BCL11A: variants seen among roughly 807,000 people sequenced by gnomAD.
The protein encoded by BCL11A is B cell CLL/lymphoma 11A.
BCL11A carries 2 observed loss-of-function variants against 55.9 expected under a neutral mutation model. The observed-to-expected ratio is 0.04, with a 90% CI of 0.01 to 0.11. BCL11A has a LOEUF of 0.11. Ranked by LOEUF, BCL11A falls within the 10% of genes least tolerant of loss-of-function variation. BCL11A has a pLI of 1.00. For synonymous variants in BCL11A, 465 were observed against 473.4 expected, an observed-to-expected ratio of 0.98 and a Z score of 0.23; for missense variants, 817 against 1,137.1, an observed-to-expected ratio of 0.72 and a Z score of 4.05.
chr2:60,525,841 C>T (rs182976424), intron 2 of BCL11A: 3 of 152,210 alleles, frequency 2.0e-5, no homozygotes, highest in Admixed American at 6.5e-5. Flanking sequence ...TGCCCTCCCC[C>T]CAAACCAGTC....
Position 60,553,301 on chromosome 2 carries a change from C to A in BCL11A, c.-31G>T. 1 of 1,535,294 alleles carries A rather than the reference C, an allele frequency of 6.5e-7. No homozygotes were observed. On this transcript the variant is annotated 5_prime_UTR_variant, in exon 1 of 4. Transcript: ENST00000642384. ...GCTGCGGGGCGGGCGGCGGCGGCGG[C>A]GGCGGCGGCGGCGGGCGGACGACGG...
At position 60,467,129 on chromosome 2, in the gene BCL11A, A is replaced by ATGGTGGTGGTGATGATGGTGGTGGTAG. The variant is rs1211602201; in HGVS notation, c.487+1602_487+1603insCTACCACCACCATCATCACCACCACCA. Among the ~76,000 whole-genome samples, 3 of 70,782 alleles carry ATGGTGGTGGTGATGATGGTGGTGGTAG rather than the reference A, an allele frequency of 4.2e-5. No homozygotes were observed. In the South Asian group the frequency reaches 1.7e-3, roughly 41 times the overall value. The allele number at this position is 70,782 out of a possible 152,430, so 46.4% of individuals were successfully genotyped here. The stretch of plus-strand genomic sequence containing the variant: ...GGTGGTAGTGGTGGTGGTGGTGGTG[A>ATGGTGGTGGTGATGATGGTGGTGGTAG]TGGTGGTGTTGGTGGTGATGGTGGT... On this transcript the variant is annotated intron_variant, in intron 3 of 3. Transcript: ENST00000642384.
In BCL11A at chr2:60,460,084, C is replaced by T; in HGVS notation, c.*320G>A. 9.1e-7 allele frequency: 1 copy of T among 1,104,734 alleles called. No homozygotes were observed. Among genetic ancestry groups the T allele is most frequent in the Non-Finnish European group, 1.1e-6 (1 of 908,550 alleles). 68.4% of individuals were successfully genotyped at this position (1,104,734 alleles called of 1,614,324 possible). Reference sequence around the variant, plus strand: ...AACATACACAACATGTAAATTATTGCACAAGAGAAAGGCTCAAAGTTTGCG... The same window carrying T: ...AACATACACAACATGTAAATTATTGTACAAGAGAAAGGCTCAAAGTTTGCG... On this transcript the variant is annotated 3_prime_UTR_variant, in exon 4 of 4. Coordinates refer to ENST00000642384, the MANE Select transcript of BCL11A (RefSeq NM_022893.4).
intron 2 of BCL11A, chr2:60,508,474 T>C (rs148076400): frequency 1.3e-5 from 2 of 152,360 alleles, no homozygotes; most frequent in African/African-American, 4.8e-5. Context: ...CATTACCTAG[T>C]TGGCAAAGGA....
chr2:60,466,474 C>T (rs1676618945), intron 3 of BCL11A, among the ~76,000 whole-genome samples: 1 of 152,098 alleles, frequency 6.6e-6, no homozygotes, highest in South Asian at 2.1e-4. Flanking sequence ...CTAACCCAGG[C>T]TTAGGCCCAG....
At chr2:60,483,262 G>A (rs1208789794) in intron 2 of BCL11A, among the ~76,000 whole-genome samples, 4 of 152,338 alleles carry the variant, frequency 2.6e-5, no homozygotes, top group African/African-American at 9.6e-5. Flanking sequence ...TCCCGTGGTA[G>A]AGAAATGGTC....
chr2:60,487,907 C>G (rs2104272840), intron 2 of BCL11A, among the ~76,000 whole-genome samples: 1 of 152,310 alleles, frequency 6.6e-6, no homozygotes, highest in East Asian at 1.9e-4. Flanking sequence ...TGCAAGTACT[C>G]CAACTCCAGC....
chr2:60,462,405 G>A lies in BCL11A; in HGVS notation c.507C>T (p.Ser169=), dbSNP rs1185059645. The change falls in exon 4 of 4, where the codon AGC becomes AGT. Residue 169 remains serine (S), a synonymous_variant. Coordinates refer to ENST00000642384, the MANE Select transcript of BCL11A (RefSeq NM_022893.4). The part of the protein sequence containing the change: ...PQGICKDEPS[S]YTCTTCKQPF... ...GCTGTTTGCAAGTTGTACATGTGTA[G>A]CTGCTGGGCTCATCTTTACCTGCAA... The A allele has an allele frequency of 2.5e-6, 4 of 1,605,840 alleles. No homozygotes were observed. The South Asian group carries it at 3.3e-5, about 13-fold the overall frequency.
In BCL11A at chr2:60,457,377, AT is replaced by A. The variant is rs1473466035; in HGVS notation, c.*3026del. On this transcript the variant is annotated 3_prime_UTR_variant, in exon 4 of 4. Transcript: ENST00000642384. ...TTTGGTCATCTAAATAAAAAAAAAAATAAAAACAAAGAAAAATAAAAGATCA... is the reference window on the plus strand; with the variant it reads ...TTTGGTCATCTAAATAAAAAAAAAAAAAAAACAAAGAAAAATAAAAGATCA... 74 of 1,022,352 alleles carry A rather than the reference AT, an allele frequency of 7.2e-5. No individual in the cohort carries two copies. The highest frequency in any genetic ancestry group is 4.6e-4 in the Middle Eastern group (1 of 2,166). 63.3% of individuals were successfully genotyped at this position (1,022,352 alleles called of 1,614,324 possible).
chr2:60,467,894 ATGG>A (rs1174093390), intron 3 of BCL11A, among the ~76,000 whole-genome samples: 1 of 23,838 alleles, frequency 4.2e-5, no homozygotes, highest in South Asian at 1.8e-3. Context: ...GGTGGTAGTG[ATGG>A]TGGTGGTAAT....
downstream of BCL11A, among the ~76,000 whole-genome samples, chr2:60,454,181 A>AT (rs1173098627): frequency 6.6e-6 from 1 of 152,190 alleles, no homozygotes; most frequent in Non-Finnish European, 1.5e-5. Flanking sequence ...CGGACAACCC[A>AT]TGTCCACAGT....
chr2:60,541,929 G>A, intron 2 of BCL11A: 1 of 705,368 alleles, frequency 1.4e-6, no homozygotes. Flanking sequence ...GTCTGAGCTA[G>A]GAGAGAATCA....
chr2:60,455,878 G>C (rs903009743), downstream of BCL11A, among the ~76,000 whole-genome samples: 2 of 152,032 alleles, frequency 1.3e-5, no homozygotes, highest in African/African-American at 4.8e-5. Context: ...GCAGCATTTT[G>C]GATTCAGTTT....
chr2:60,462,058 T>C lies in BCL11A; in HGVS notation c.854A>G (p.Glu285Gly). 2.5e-6 allele frequency: 4 copies of C among 1,597,486 alleles called. No homozygotes were observed. The highest frequency in any genetic ancestry group is 3.4e-6 in the Non-Finnish European group (4 of 1,172,176). ...GTGATGGGTGGCCAGGGCCATCTCT[T>C]CCGCCCCCAGGCGCTCTATGCGGTG... ...DPHRIERLGA[E>G]EMALATHHPS... is the part of the protein sequence containing the mutation. The change falls in exon 4 of 4, where the codon GAA becomes GGA. Residue 285 changes from glutamate (E) to glycine (G), a missense_variant. By Grantham distance (98) the Glu-to-Gly change is moderately conservative. Transcript: ENST00000642384.
chr2:60,490,916 C>T (rs1558639221), intron 2 of BCL11A, among the ~76,000 whole-genome samples: 1 of 151,896 alleles, frequency 6.6e-6, no homozygotes, highest in East Asian at 1.9e-4. Flanking sequence ...CATTTCCCTT[C>T]TGATATCTAC....
At chr2:60,536,826 C>G (rs528927972) in intron 2 of BCL11A, 1 of 152,368 alleles carries the variant, frequency 6.6e-6, no homozygotes, top group East Asian at 1.9e-4. Flanking sequence ...GTGCAGGCAG[C>G]AGGCTGCCCC....
intron 2 of BCL11A, chr2:60,541,891 A>G (rs1457768377): frequency 1.4e-6 from 1 of 707,880 alleles, no homozygotes; most frequent in East Asian, 2.7e-5. Flanking sequence ...ATTACACCAT[A>G]AGGTACACAA....
intron 2 of BCL11A, among the ~76,000 whole-genome samples, chr2:60,506,843 C>T (rs982910616): frequency 3.3e-5 from 5 of 152,070 alleles, no homozygotes; most frequent in Non-Finnish European, 7.4e-5. Context: ...ACTACCTTTC[C>T]GCCTAAACAT....
chr2:60,517,143 G>T (rs536888166), intron 2 of BCL11A, among the ~76,000 whole-genome samples: 1 of 152,314 alleles, frequency 6.6e-6, no homozygotes, highest in South Asian at 2.1e-4. Flanking sequence ...CTGCGATTGA[G>T]AGGTGTCTTT....
Sources: allele counts gnomAD v4.1 joint callset (sites outside exome capture counted in the v4.1 genomes callset), GRCh38; gene constraint gnomAD v4.1.1; transcripts MANE v1.5; gene names NCBI Gene and HGNC (gene_info 2026-07-23, HGNC 2026-07-21).